Variants in NID2 observed in about 807,000 individuals in gnomAD.
NID2 encodes the protein nidogen-2.
A neutral mutation model predicts 145.4 loss-of-function variants in NID2; 83 were observed. The observed-to-expected ratio is 0.57, with a 90% confidence interval of 0.48 to 0.69. NID2 has a LOEUF of 0.69. NID2 is among the 30% of genes least tolerant of loss of function. NID2 has a pLI of 0.00. For synonymous variants in NID2, 739 were observed against 701.3 expected (o/e 1.05, Z -0.85); for missense variants, 1,807 against 1,765.7 (o/e 1.02, Z -0.42).
intron 9 of NID2, among the ~76,000 whole-genome samples, chr14:52,033,704 C>T (rs1891957967): frequency 6.6e-6 from 1 of 152,158 alleles, no homozygotes; most frequent in Non-Finnish European, 1.5e-5. Flanking sequence ...TTGGGTGTTT[C>T]TTTTTTGTTT....
rs1405855437 is a variant in NID2 at position 52,011,042 on chromosome 14, T to C, written c.3556A>G (p.Ile1186Val). The change falls in exon 18 of 22, where the codon ATA becomes GTA. Residue 1186 changes from isoleucine (I) to valine (V), a missense_variant. Coordinates refer to ENST00000216286, the MANE Select transcript of NID2 (RefSeq NM_007361.4). ...EPETIVNSGL[I>V]SPEGLAIDHI... ...TCTATGGCAAGTCCTTCAGGGCTTATCAGACCTGGAAATAAAGCAAAGTCA... is the reference window on the plus strand; with the variant it reads ...TCTATGGCAAGTCCTTCAGGGCTTACCAGACCTGGAAATAAAGCAAAGTCA... The C allele has an allele frequency of 6.2e-7, 1 of 1,613,170 alleles. No individual in the cohort carries two copies. The highest frequency in any genetic ancestry group is 1.1e-5 in the South Asian group (1 of 91,076).
intron 2 of NID2, among the ~76,000 whole-genome samples, chr14:52,063,337 G>A (rs1893077563): frequency 6.6e-6 from 1 of 152,204 alleles, no homozygotes; most frequent in African/African-American, 2.4e-5. Flanking sequence ...ACAGGGAGAG[G>A]AGCAGCACAG....
At chr14:52,045,938 C>G (rs1892475305) in intron 5 of NID2, among the ~76,000 whole-genome samples, 1 of 152,166 alleles carries the variant, frequency 6.6e-6, no homozygotes, top group Non-Finnish European at 1.5e-5. Flanking sequence ...AAGTAGAACA[C>G]CTCTTCCTCA....
chr14:52,030,665 A>G (rs78054403), intron 9 of NID2, among the ~76,000 whole-genome samples: 31,594 of 149,098 alleles, frequency 0.21, 3,712 homozygotes, highest in Non-Finnish European at 0.25. Flanking sequence ...AAAGAAAGAA[A>G]AAGAAAAGAA....
rs570553436 is a variant in NID2 at position 52,004,814 on chromosome 14, T to G, written c.*672A>C. On this transcript the variant is annotated 3_prime_UTR_variant, in exon 22 of 22. Transcript: ENST00000216286. Reference sequence around the variant, plus strand: ...ATAGATCCTTAAGTCATAGGAAAACTTAAAACACTTTATTGGAGTAATCTA... The same window carrying G: ...ATAGATCCTTAAGTCATAGGAAAACGTAAAACACTTTATTGGAGTAATCTA... The G allele has an allele frequency of 4.2e-6, 1 of 235,634 alleles. No homozygotes were observed. The highest frequency in any genetic ancestry group is 8.1e-6 in the Non-Finnish European group (1 of 123,536). The allele number at this position is 235,634 out of a possible 1,614,324, so 14.6% of individuals were successfully genotyped here. A position where few individuals can be genotyped will look rare whatever the true frequency, so the allele number is the denominator to read the frequency against.
intron 6 of NID2, among the ~76,000 whole-genome samples, 174 bp downstream of exon 6, chr14:52,042,608 G>A (rs1307154691): frequency 6.6e-6 from 1 of 152,162 alleles, no homozygotes; most frequent in Non-Finnish European, 1.5e-5. Context: ...CTCAAATTGG[G>A]AATCAGCCCA....
In NID2 at chr14:52,023,734, T is replaced by C. The variant is rs558323913; in HGVS notation, c.2674+3467A>G. ...AGCTCACACCAACACAAGTTTGAAA[T>C]CACTCCAGATTGAGGGAAGCTGCAG... On this transcript the variant is annotated intron_variant, in intron 12 of 21. Coordinates refer to ENST00000216286, the MANE Select transcript of NID2 (RefSeq NM_007361.4). 4.7e-4 allele frequency among the ~76,000 whole-genome samples: 72 copies of C among 152,298 alleles called. 1 individual carries two copies. The highest frequency in any genetic ancestry group is 1.6e-3 in the African/African-American group (66 of 41,566).
chr14:52,042,146 G>C lies in NID2; in HGVS notation c.1784C>G (p.Ala595Gly), dbSNP rs1453845577. ...GTTCTCAGAGCCAGGTTTTTCTAAA[G>C]CAAAGAGCCAGCCAAACAGGCCTCC... ...PIGGLFGWLFALEKPGSENGF... is the reference protein window; with the variant it reads ...PIGGLFGWLFGLEKPGSENGF... Residue 595 changes from alanine to glycine, a missense_variant, in exon 7 of 22, where the codon GCT (alanine) becomes GGT (glycine). By Grantham distance (60) the Ala-to-Gly change is moderately conservative. Coordinates refer to ENST00000216286, the MANE Select transcript of NID2 (RefSeq NM_007361.4). 1 of 1,610,696 alleles carries C rather than the reference G, an allele frequency of 6.2e-7. No individual in the cohort carries two copies. Among genetic ancestry groups the C allele is most frequent in the Admixed American group, 1.7e-5 (1 of 59,770 alleles).
rs1320246109 is a variant in NID2, at chr14:52,005,216, G to A, written c.*270C>T. 4 of 339,072 alleles carry A rather than the reference G, an allele frequency of 1.2e-5. No individual in the cohort carries two copies. The highest frequency in any genetic ancestry group is 2.1e-5 in the African/African-American group (1 of 47,118). 21.0% of individuals were successfully genotyped at this position (339,072 alleles called of 1,614,324 possible). ...GATCTTTTAAATATTAATGATAAAT[G>A]TTTACAAGAAGTTGCTTTAATAAGC... On this transcript the variant is annotated 3_prime_UTR_variant, in exon 22 of 22. Transcript: ENST00000216286.
chr14:52,056,679 C>A (rs1228552052), intron 3 of NID2, among the ~76,000 whole-genome samples: 3 of 152,114 alleles, frequency 2.0e-5, no homozygotes, highest in East Asian at 1.9e-4. Context: ...GTAATCCCAG[C>A]TACTCTGGAG....
At chr14:52,027,377 T>C in intron 11 of NID2, 33 bp from the exon 12 acceptor site, 1 of 1,482,006 alleles carries the variant, frequency 6.7e-7, no homozygotes. Flanking sequence ...GCATCCAGAG[T>C]TTAGGCCTGC....
chr14:52,033,372 C>A (rs952089423), intron 9 of NID2, among the ~76,000 whole-genome samples: 3 of 152,178 alleles, frequency 2.0e-5, no homozygotes, highest in Admixed American at 6.5e-5. Context: ...ATTTTTGGAT[C>A]GTGTTTTATG....
chr14:52,038,962 C>A lies in NID2; in HGVS notation c.2042G>T (p.Ser681Ile). ...AAAAGTCAGAGAGTAGTCTCTGGAACTTGTAGAGGTCACAGCTGCAACAAA... is the reference window on the plus strand; with the variant it reads ...AAAAGTCAGAGAGTAGTCTCTGGAAATTGTAGAGGTCACAGCTGCAACAAA... ...HYSDSTVTST[S>I]SRDYSLTFGA... Residue 681 changes from serine to isoleucine, a missense_variant, in exon 9 of 22, where the codon AGT becomes ATT. Physicochemically the swap from Ser to Ile is moderately radical, Grantham distance 142 (BLOSUM62 -2). Transcript: ENST00000216286. 3 of 1,612,136 alleles carry A rather than the reference C, an allele frequency of 1.9e-6. No individual in the cohort carries two copies. Among genetic ancestry groups the A allele is most frequent in the Non-Finnish European group, 2.5e-6 (3 of 1,179,000 alleles).
chr14:52,026,609 G>T (rs1258031203), intron 12 of NID2, among the ~76,000 whole-genome samples: 1 of 152,180 alleles, frequency 6.6e-6, no homozygotes, highest in African/African-American at 2.4e-5. Context: ...AGAGAGTTAT[G>T]TCGAGCCTTT....
intron 8 of NID2, 57 bp from the exon 9 acceptor site, chr14:52,039,034 G>A (rs1360603685): frequency 1.6e-5 from 20 of 1,259,642 alleles, no homozygotes; most frequent in African/African-American, 3.1e-5. Flanking sequence ...ATTTTCATGT[G>A]AGGTGGATTT....
rs146481265 is a variant in NID2, at chr14:52,061,120, C to A, written c.535-764G>T. On this transcript the variant is annotated intron_variant, in intron 2 of 21. Coordinates refer to ENST00000216286, the MANE Select transcript of NID2 (RefSeq NM_007361.4). Reference sequence around the variant, plus strand: ...GTCCCTCCCAGGCTCAGTTCCACTGCATCTTTGTCAGACTATTTAATAGTC... The same window carrying A: ...GTCCCTCCCAGGCTCAGTTCCACTGAATCTTTGTCAGACTATTTAATAGTC... Among the ~76,000 whole-genome samples, 7 of 152,288 alleles carry A rather than the reference C, an allele frequency of 4.6e-5. No individual in the cohort carries two copies. In the East Asian group the frequency reaches 1.2e-3, roughly 25 times the overall value.
chr14:52,007,655 T>A, intron 19 of NID2, 155 bp downstream of exon 19: 2 of 712,034 alleles, frequency 2.8e-6, no homozygotes, highest in Middle Eastern at 4.0e-4. Context: ...ATTTTAAGAC[T>A]CATTTACTAG....
intron 7 of NID2, among the ~76,000 whole-genome samples, chr14:52,041,271 A>T (rs1892270507): frequency 6.6e-6 from 1 of 152,202 alleles, no homozygotes; most frequent in African/African-American, 2.4e-5. Context: ...TGTGGGTAAT[A>T]CTTATACTAG....
intron 19 of NID2, chr14:52,007,481 T>C (rs61971511): frequency 3.9e-4 from 117 of 298,112 alleles, no homozygotes; most frequent in Non-Finnish European, 6.2e-4. Context: ...AGGTAAGTTA[T>C]AGTGACCCTC....
Sources: gnomAD v4.1 joint callset for allele counts (sites outside exome capture counted in the v4.1 genomes callset) on GRCh38, gnomAD v4.1.1 for gene constraint, MANE v1.5 for transcripts, NCBI Gene and HGNC (gene_info 2026-07-23, HGNC 2026-07-21) for gene names.